Variants in KCTD8 observed in about 807,000 individuals in gnomAD.
KCTD8 encodes the protein potassium channel tetramerization domain containing 8, also known as BTB/POZ domain-containing protein KCTD8.
KCTD8 carries 27 observed loss-of-function variants against 31.5 expected under a neutral mutation model. The observed-to-expected ratio is 0.86, with a 90% CI of 0.63 to 1.18. KCTD8 has a LOEUF of 1.18. KCTD8 is among the 50% of genes most tolerant of loss of function. The pLI is 0.00. For missense variants in KCTD8, 658 were observed against 647.7 expected (o/e 1.02, Z -0.17); for synonymous variants, 290 against 280.0 (o/e 1.04, Z -0.36).
chr4:44,373,049 T>C (rs914532516), intron 1 of KCTD8, among the ~76,000 whole-genome samples: 2 of 152,042 alleles, frequency 1.3e-5, no homozygotes, highest in African/African-American at 4.8e-5. Flanking sequence ...TTTACAATGC[T>C]CATAGACTAA....
intron 1 of KCTD8, among the ~76,000 whole-genome samples, chr4:44,218,282 C>T (rs1714708667): frequency 1.3e-5 from 2 of 151,476 alleles, no homozygotes; most frequent in African/African-American, 2.4e-5. Context: ...TATAAGCATG[C>T]ACCACCACAC....
intron 1 of KCTD8, among the ~76,000 whole-genome samples, chr4:44,273,966 C>G (rs928078636): frequency 2.0e-5 from 3 of 151,788 alleles, no homozygotes; most frequent in African/African-American, 7.3e-5. Context: ...AAAAATCTAA[C>G]TGTTGTTTGA....
chr4:44,246,399 C>T (rs943410981), intron 1 of KCTD8, among the ~76,000 whole-genome samples: 25 of 152,040 alleles, frequency 1.6e-4, no homozygotes, highest in Non-Finnish European at 2.7e-4. Flanking sequence ...CTTTTATGTA[C>T]GGTTTTTAAC....
chr4:44,447,866 C>CGGTGGTG lies in KCTD8; in HGVS notation c.651_657dup (p.Val220HisfsTer64), dbSNP rs1181932188. On this transcript the variant is annotated frameshift_variant, in exon 1 of 2. Transcript: ENST00000360029. LOFTEE classifies it high-confidence loss of function. ...TTGGCGTCGGCCTGGTTGTCGCGCA[C>CGGTGGTG]GGTGGTGTAGGAGCCCCGGTAGCCC... The CGGTGGTG allele has an allele frequency of 1.3e-6, 2 of 1,569,700 alleles. No homozygotes were observed. Among genetic ancestry groups the CGGTGGTG allele is most frequent in the Non-Finnish European group, 1.7e-6 (2 of 1,155,946 alleles).
chr4:44,421,601 T>C (rs531053324), intron 1 of KCTD8, among the ~76,000 whole-genome samples: 68 of 152,234 alleles, frequency 4.5e-4, no homozygotes, highest in Non-Finnish European at 7.6e-4. Context: ...GTGTATATAT[T>C]TCCTTCCAAT....
intron 1 of KCTD8, among the ~76,000 whole-genome samples, chr4:44,434,489 T>C (rs1721594472): frequency 1.3e-5 from 2 of 151,904 alleles, no homozygotes; most frequent in South Asian, 4.1e-4. Context: ...AGGGTATAAA[T>C]GCAGCCCTGG....
chr4:44,295,236 C>T (rs1717393857), intron 1 of KCTD8, among the ~76,000 whole-genome samples: 1 of 152,168 alleles, frequency 6.6e-6, no homozygotes, highest in African/African-American at 2.4e-5. Flanking sequence ...TTAGAGGCCT[C>T]AGTGAGCTAT....
intron 1 of KCTD8, among the ~76,000 whole-genome samples, chr4:44,430,904 T>C (rs1367945496): frequency 6.6e-6 from 1 of 151,566 alleles, no homozygotes; most frequent in African/African-American, 2.4e-5. Context: ...GCCCTGATGG[T>C]TATTTCTCTT....
chr4:44,238,455 C>T (rs1715355369), intron 1 of KCTD8, among the ~76,000 whole-genome samples: 1 of 152,034 alleles, frequency 6.6e-6, no homozygotes, highest in Non-Finnish European at 1.5e-5. Flanking sequence ...ATTTTGCTCA[C>T]CTACTATTTG....
chr4:44,255,275 G>A (rs1019297541), intron 1 of KCTD8, among the ~76,000 whole-genome samples: 4 of 151,734 alleles, frequency 2.6e-5, no homozygotes, highest in Non-Finnish European at 2.9e-5. Flanking sequence ...ACCCATCTAA[G>A]CCCCTAGGGC....
chr4:44,424,030 A>G (rs892045532), intron 1 of KCTD8, among the ~76,000 whole-genome samples: 5 of 152,072 alleles, frequency 3.3e-5, no homozygotes, highest in Middle Eastern at 3.2e-3. Context: ...GGTAGTTTCT[A>G]TAAGTTTTGT....
chr4:44,383,401 C>CCT (rs1720124872), intron 1 of KCTD8, among the ~76,000 whole-genome samples: 1 of 152,002 alleles, frequency 6.6e-6, no homozygotes, highest in Non-Finnish European at 1.5e-5. Flanking sequence ...AGGCATCACA[C>CCT]CTGACTTGAA....
At chr4:44,308,341 T>G (rs1717863049) in intron 1 of KCTD8, among the ~76,000 whole-genome samples, 1 of 152,124 alleles carries the variant, frequency 6.6e-6, no homozygotes, top group Admixed American at 6.5e-5. Flanking sequence ...TGAACTCTTT[T>G]TTTTTCCCTT....
At chr4:44,397,172 C>A (rs1720526135) in intron 1 of KCTD8, among the ~76,000 whole-genome samples, 1 of 152,094 alleles carries the variant, frequency 6.6e-6, no homozygotes, top group South Asian at 2.1e-4. Flanking sequence ...CATAAAGATA[C>A]CATGCCTAAA....
chr4:44,447,849 G>C lies in KCTD8; in HGVS notation c.675C>G (p.Ala225=), dbSNP rs1450959212. The change falls in exon 1 of 2, where the codon GCC becomes GCG. Residue 225 remains alanine (A), a synonymous_variant. Transcript: ENST00000360029. ...GCGCCACACGCCGGAATTTGGCGTC[G>C]GCCTGGTTGTCGCGCACGGTGGTGT... ...GSYTTVRDNQ[A]DAKFRRVARI... 1.9e-6 allele frequency: 3 copies of C among 1,584,482 alleles called. No individual in the cohort carries two copies. Among genetic ancestry groups the C allele is most frequent in the Admixed American group, 1.7e-5 (1 of 57,542 alleles).
intron 1 of KCTD8, among the ~76,000 whole-genome samples, chr4:44,360,671 C>G (rs11946406): frequency 0.21 from 32,162 of 151,740 alleles, 3,690 homozygotes; most frequent in East Asian, 0.45. Context: ...AAACAGAAAT[C>G]CTCAAGAGAT....
chr4:44,361,082 T>A (rs953666738), intron 1 of KCTD8, among the ~76,000 whole-genome samples: 2 of 151,922 alleles, frequency 1.3e-5, no homozygotes, highest in Admixed American at 1.3e-4. Context: ...TCTCCCTTGA[T>A]CGTACTCACT....
intron 1 of KCTD8, among the ~76,000 whole-genome samples, chr4:44,246,945 G>A (rs374694413): frequency 1.3e-5 from 2 of 151,846 alleles, no homozygotes; most frequent in African/African-American, 4.8e-5. Flanking sequence ...CTTAAATAAC[G>A]ATGTTCCACA....
chr4:44,293,761 A>G, intron 1 of KCTD8: 1 of 449,836 alleles, frequency 2.2e-6, no homozygotes, highest in South Asian at 1.6e-5. Context: ...ATATTGAAAC[A>G]TAGCCACTTG....
Sources: allele counts gnomAD v4.1 joint callset (sites outside exome capture counted in the v4.1 genomes callset), GRCh38; gene constraint gnomAD v4.1.1; transcripts MANE v1.5; gene names NCBI Gene and HGNC (gene_info 2026-07-23, HGNC 2026-07-21).